The following BCORL1 variants were observed in gnomAD, a reference collection of about 807,000 sequenced individuals.
The protein encoded by BCORL1 is BCL-6 corepressor-like protein 1.
In BCORL1, 7 loss-of-function variants were observed where a neutral mutation model predicts 87.6. The ratio of observed to expected loss-of-function variants is 0.08; its 90% CI spans 0.05 to 0.15. BCORL1 has a LOEUF of 0.15. BCORL1 is among the 10% of genes least tolerant of loss of function. The probability of loss-of-function intolerance (pLI) is 1.00; values close to 1 mark genes in which losing one functional copy is unlikely to be tolerated. For missense variants in BCORL1, 1,215 were observed against 1,499.7 expected, an observed-to-expected ratio of 0.81 and a Z score of 3.13; for synonymous variants, 591 against 634.4, an observed-to-expected ratio of 0.93 and a Z score of 1.03.
intron 2 of BCORL1, chrX:130,010,792 T>C (rs1362495835): frequency 2.8e-5 from 3 of 108,871 alleles, no homozygotes; most frequent in Non-Finnish European, 5.7e-5. Context: ...GAGAGCTGGC[T>C]TCTTCAGGGC....
chrX:130,004,654 T>C (rs1277365863), intron 1 of BCORL1, among the ~76,000 whole-genome samples: 1 of 111,994 alleles, frequency 8.9e-6, no homozygotes, highest in African/African-American at 3.2e-5. Context: ...CCAGGTTAGA[T>C]ACGTGTGTTA....
intron 1 of BCORL1, among the ~76,000 whole-genome samples, chrX:130,000,737 A>G (rs1425242136): frequency 8.9e-6 from 1 of 112,666 alleles, no homozygotes; most frequent in African/African-American, 3.2e-5. Context: ...CAGACTTCGC[A>G]TATACATCAG....
Position 130,057,224 on chromosome X carries a change from A to C in BCORL1, c.*1088A>C, listed in dbSNP as rs1024054015. On this transcript the variant is annotated 3_prime_UTR_variant, in exon 14 of 14. Transcript: ENST00000540052. The stretch of plus-strand genomic sequence containing the variant: ...CCTCAGCCCCTCATTCTCCTTGGGA[A>C]TCTGCAGAGGGCTCTGGGACTCACT... 9.2e-6 allele frequency: 1 copy of C among 108,799 alleles called. No homozygotes were observed. The highest frequency in any genetic ancestry group is 3.4e-5 in the African/African-American group (1 of 29,707). 9.0% of individuals were successfully genotyped at this position (108,799 alleles called of 1,213,427 possible). A position where few individuals can be genotyped will look rare whatever the true frequency, so the allele number is the denominator to read the frequency against.
rs750468972 is a variant in BCORL1, at chrX:130,022,850, G to C, written c.3608-47G>C. On this transcript the variant is annotated intron_variant, in intron 5 of 13. Coordinates refer to ENST00000540052, the MANE Select transcript of BCORL1 (RefSeq NM_001379451.1). ...GTGGGCTTTCTGGTCTTTAAGCTTT[G>C]ATTGTAACATTTCTGCCTTCTGTCC... 20 of 1,111,426 alleles carry C rather than the reference G, an allele frequency of 1.8e-5. No individual in the cohort carries two copies. The Admixed American group carries it at 2.0e-4, about 11-fold the overall frequency. 91.6% of individuals were successfully genotyped at this position (1,111,426 alleles called of 1,213,427 possible).
Position 130,013,560 on chromosome X carries a change from C to T in BCORL1, c.788C>T (p.Pro263Leu), listed in dbSNP as rs758819764. 13 of 1,211,506 alleles carry T rather than the reference C, an allele frequency of 1.1e-5. No individual in the cohort carries two copies. Among genetic ancestry groups the T allele is most frequent in the Middle Eastern group, 2.3e-4 (1 of 4,350 alleles). ...GTCCCGGCTCTGGCTCCAGCGCCAC[C>T]GTCAGTGCCCACGCTCATCTCTGAC... ...APVPALAPAP[P>L]SVPTLISDSN... The change falls in exon 4 of 14, where the codon CCG becomes CTG. Residue 263 changes from proline (P) to leucine (L), a missense_variant. Transcript: ENST00000540052.
At chrX:130,006,760 C>T (rs1389187491) in intron 2 of BCORL1, among the ~76,000 whole-genome samples, 4 of 109,798 alleles carry the variant, frequency 3.6e-5, no homozygotes, top group African/African-American at 9.9e-5. Context: ...TTAGTAGAGA[C>T]GGAGTTTTAC....
intron 1 of BCORL1, among the ~76,000 whole-genome samples, chrX:129,990,997 G>A (rs1927100026): frequency 1.8e-5 from 2 of 112,018 alleles, no homozygotes; most frequent in Admixed American, 9.5e-5. Flanking sequence ...GTGCAGTGGC[G>A]TGATCTCGGC....
chrX:129,990,370 T>C (rs1927022561), intron 1 of BCORL1, among the ~76,000 whole-genome samples: 1 of 110,460 alleles, frequency 9.1e-6, no homozygotes. Context: ...TAGCTGGGAC[T>C]ACAGGCGCCC....
intron 1 of BCORL1, among the ~76,000 whole-genome samples, chrX:129,993,604 C>A (rs1927341969): frequency 9.0e-6 from 1 of 111,021 alleles, no homozygotes; most frequent in South Asian, 3.8e-4. Context: ...AGGAGGATTG[C>A]TTGAGCCTGG....
chrX:130,043,512 G>A (rs1416356245), intron 11 of BCORL1, among the ~76,000 whole-genome samples: 1 of 108,981 alleles, frequency 9.2e-6, no homozygotes, highest in Non-Finnish European at 1.9e-5. Flanking sequence ...GGCTGGGGAA[G>A]CTTTTCCCTC....
intron 1 of BCORL1, among the ~76,000 whole-genome samples, chrX:129,984,897 T>C (rs1926475345): frequency 8.9e-6 from 1 of 111,809 alleles, no homozygotes; most frequent in African/African-American, 3.3e-5. Context: ...ATATTCATTC[T>C]TGGTGTCTCC....
chrX:130,048,941 C>T (rs1330292101), intron 11 of BCORL1, among the ~76,000 whole-genome samples: 4 of 112,295 alleles, frequency 3.6e-5, no homozygotes, highest in East Asian at 2.8e-4. Context: ...GCTTCTGTCA[C>T]GTAGCATCCA....
At chrX:130,022,412 G>A (rs1056472677) in intron 5 of BCORL1, among the ~76,000 whole-genome samples, 8 of 107,416 alleles carry the variant, frequency 7.4e-5, no homozygotes, top group African/African-American at 2.0e-4. Flanking sequence ...CACGCCCGGC[G>A]AATTTTTGTA....
chrX:130,000,435 A>C (rs1420105625), intron 1 of BCORL1, among the ~76,000 whole-genome samples: 1 of 112,561 alleles, frequency 8.9e-6, no homozygotes, highest in Non-Finnish European at 1.9e-5. Context: ...CTTGTTAAAA[A>C]TATTTCTAAA....
Position 130,025,187 on chromosome X carries a change from T to G in BCORL1, c.3886T>G (p.Trp1296Gly), listed in dbSNP as rs1293866125. ...SLLSQGRRHL[W>G]RAREMPWRTE... ...GCTGAGCCAGGGCCGAAGGCACCTG[T>G]GGCGAGCCCGAGAAATGCCCTGGAG... Residue 1296 changes from tryptophan to glycine, a missense_variant, in exon 7 of 14, where the codon TGG (tryptophan) becomes GGG (glycine). Trp to Gly is a radical substitution (Grantham distance 184). Around this residue, in one of 5 missense-constraint regions of BCORL1, gnomAD observed 166 missense variants for 196.5 expected, o/e 0.84. Coordinates refer to ENST00000540052, the MANE Select transcript of BCORL1 (RefSeq NM_001379451.1). 5 of 1,209,532 alleles carry G rather than the reference T, an allele frequency of 4.1e-6. No homozygotes were observed.
intron 1 of BCORL1, among the ~76,000 whole-genome samples, chrX:130,002,904 C>G (rs1187186285): frequency 9.1e-6 from 1 of 109,764 alleles, no homozygotes; most frequent in East Asian, 2.9e-4. Flanking sequence ...AGGCCAGGCC[C>G]CAGTGAATGC....
At chrX:129,996,359 A>G (rs954575334) in intron 1 of BCORL1, among the ~76,000 whole-genome samples, 3 of 111,656 alleles carry the variant, frequency 2.7e-5, no homozygotes, top group South Asian at 3.7e-4. Flanking sequence ...CCAGGTCACC[A>G]GGCAGTATGA....
chrX:130,001,527 A>G (rs1928050336), intron 1 of BCORL1, among the ~76,000 whole-genome samples: 1 of 111,663 alleles, frequency 9.0e-6, no homozygotes, highest in Admixed American at 9.6e-5. Flanking sequence ...GGACAACCAG[A>G]GAGGGAGGGG....
At chrX:129,990,816 GGAGTGT>G (rs1333933827) in intron 1 of BCORL1, among the ~76,000 whole-genome samples, 1 of 111,890 alleles carries the variant, frequency 8.9e-6, no homozygotes, top group African/African-American at 3.3e-5. Context: ...CAGGAACTGA[GGAGTGT>G]ATATCCAGTT....
Sources: allele counts gnomAD v4.1 joint callset (sites outside exome capture counted in the v4.1 genomes callset), GRCh38; gene constraint gnomAD v4.1.1; regional missense constraint gnomAD v4.1.1; transcripts MANE v1.5; gene names NCBI Gene and HGNC (gene_info 2026-07-23, HGNC 2026-07-21).